The following BEAN1 variants were observed in gnomAD, a reference collection of about 807,000 sequenced individuals.
BEAN1 encodes protein BEAN1.
Under a neutral mutation model 17.7 loss-of-function variants are expected in BEAN1, and 17 were observed. The observed-to-expected ratio is 0.96, with a 90% CI of 0.66 to 1.44. The LOEUF (loss-of-function observed/expected upper bound fraction) is 1.44, where lower values mean the gene tolerates loss of function less well. Ranked by LOEUF, BEAN1 falls within the 40% of genes most tolerant of loss-of-function variation. The pLI is 0.00. For missense variants in BEAN1, 359 were observed against 374.1 expected, an observed-to-expected ratio of 0.96 and a Z score of 0.33; for synonymous variants, 142 against 151.8, an observed-to-expected ratio of 0.94 and a Z score of 0.47.
chr16:66,480,759 T>C lies in BEAN1; in HGVS notation c.614T>C (p.Leu205Pro), dbSNP rs1963956125. The change falls in exon 5 of 5, where the codon CTT becomes CCT. Residue 205 changes from leucine (L) to proline (P), a missense_variant. Physicochemically the swap from Leu to Pro is moderately conservative, Grantham distance 98 (BLOSUM62 -3). Transcript: ENST00000536005. ...CAGAGGACCCCGGCCCAAGGTGGCC[T>C]TCACACGGTCTCCATGGACACCCTT... ...QEQRTPAQGG[L>P]HTVSMDTLPP... The C allele has an allele frequency of 6.4e-7, 1 of 1,551,338 alleles. No homozygotes were observed. The highest frequency in any genetic ancestry group is 2.0e-5 in the Admixed American group (1 of 50,980).
At chr16:66,477,850 C>T (rs2142459477) in intron 4 of BEAN1, 140 bp downstream of exon 4, 1 of 925,412 alleles carries the variant, frequency 1.1e-6, no homozygotes, top group African/African-American at 1.8e-5. Flanking sequence ...GCATGGCCAC[C>T]TCCTCCCCAC....
chr16:66,488,317 A>C (rs1964117025), intron 4 of BEAN1, among the ~76,000 whole-genome samples: 1 of 152,134 alleles, frequency 6.6e-6, no homozygotes, highest in Non-Finnish European at 1.5e-5. Flanking sequence ...TCCCTAGGGA[A>C]CAAAACTGCC....
chr16:66,463,775 G>T (rs1159771823), intron 2 of BEAN1, among the ~76,000 whole-genome samples: 1 of 152,112 alleles, frequency 6.6e-6, no homozygotes, highest in Non-Finnish European at 1.5e-5. Context: ...CATACATTTA[G>T]GTCTTTAATC....
intron 4 of BEAN1, chr16:66,492,880 C>G (rs62057867): frequency 1.6e-6 from 1 of 632,070 alleles, no homozygotes; most frequent in Non-Finnish European, 2.8e-6. Context: ...GGCACCAGCC[C>G]TTGGTCCTGC....
rs935627705 is a variant in BEAN1 at position 66,473,580 on chromosome 16, C to T, written c.289+3715C>T. Among the ~76,000 whole-genome samples the T allele has an allele frequency of 1.3e-5, 2 of 151,822 alleles. No individual in the cohort carries two copies. Among genetic ancestry groups the T allele is most frequent in the Non-Finnish European group, 1.5e-5 (1 of 67,928 alleles). On this transcript the variant is annotated intron_variant, in intron 3 of 4. Transcript: ENST00000536005. The surrounding 1 kb of genome is among the most constrained non-coding windows in gnomAD (Gnocchi z 4.5). Reference sequence around the variant, plus strand: ...GGCGCGGTGCCTCACACCTATAATCCCAGCACTTTGGGAGGCCAAGGTGGG... The same window carrying T: ...GGCGCGGTGCCTCACACCTATAATCTCAGCACTTTGGGAGGCCAAGGTGGG...
chr16:66,439,666 T>C (rs1367277252), intron 2 of BEAN1, among the ~76,000 whole-genome samples: 1 of 151,976 alleles, frequency 6.6e-6, no homozygotes, highest in East Asian at 1.9e-4. Flanking sequence ...TCTCTGAAAT[T>C]CCCCCTTCCC....
At position 66,481,474 on chromosome 16, in the gene BEAN1, C is replaced by T. The variant is rs1963984760; in HGVS notation, c.*549C>T. The T allele has an allele frequency of 2.6e-6, 1 of 383,578 alleles. No homozygotes were observed. The highest frequency in any genetic ancestry group is 1.5e-4 in the South Asian group (1 of 6,850). The allele number at this position is 383,578 out of a possible 1,614,324, so 23.8% of individuals were successfully genotyped here. On this transcript the variant is annotated 3_prime_UTR_variant, in exon 5 of 5. Transcript: ENST00000536005. This position sits in a 1 kb window ranked among gnomAD's most constrained non-coding sequence, Gnocchi z 4.1. ...GTTCCGTTGTGCGCTGTGCCTATCT[C>T]TCGATTCCAGGGCAGATGAGCCACA...
At chr16:66,484,189 G>T, downstream of BEAN1, 1 of 210,552 alleles carries the variant, frequency 4.7e-6, no homozygotes, top group South Asian at 7.2e-5. This position sits in a 1 kb window ranked among gnomAD's most constrained non-coding sequence, Gnocchi z 4.2. Flanking sequence ...TAATCATTTT[G>T]CATGCCCTCT....
chr16:66,441,139 C>T (rs1251759891), intron 2 of BEAN1, among the ~76,000 whole-genome samples: 2 of 152,158 alleles, frequency 1.3e-5, no homozygotes, highest in African/African-American at 2.4e-5. Context: ...GTTCCCAGTT[C>T]GCCCGCACCA....
chr16:66,451,948 T>C (rs921729227), intron 2 of BEAN1, among the ~76,000 whole-genome samples: 6 of 152,198 alleles, frequency 3.9e-5, no homozygotes, highest in Non-Finnish European at 8.8e-5. Context: ...TACTAAACGT[T>C]GGTGAACACA....
chr16:66,480,918 T>C lies in BEAN1; in HGVS notation c.773T>C (p.Ile258Thr). The C allele has an allele frequency of 6.9e-7, 1 of 1,449,264 alleles. No individual in the cohort carries two copies. Among genetic ancestry groups the C allele is most frequent in the Non-Finnish European group, 9.1e-7 (1 of 1,097,382 alleles). 89.8% of individuals were successfully genotyped at this position (1,449,264 alleles called of 1,614,324 possible). A position where few individuals can be genotyped will look rare whatever the true frequency, so the allele number is the denominator to read the frequency against. The change falls in exon 5 of 5, where the codon ATT becomes ACT. Residue 258 changes from isoleucine to threonine, a missense_variant. Transcript: ENST00000536005. ...GCCCCAGCCTCTGGCCCAGAGAGGA[T>C]TGTGTGAGGGACCCAGCCAGCCGGG... is the stretch of plus-strand genomic sequence containing the variant. ...TRAPASGPER[I>T]V
downstream of BEAN1, chr16:66,486,054 T>A (rs1045389149): frequency 2.0e-5 from 3 of 152,152 alleles, no homozygotes; most frequent in African/African-American, 7.2e-5. Context: ...CATTCTCCCA[T>A]CAGAACAAAA....
chr16:66,488,096 A>G (rs996018442), intron 4 of BEAN1, among the ~76,000 whole-genome samples: 2 of 152,120 alleles, frequency 1.3e-5, no homozygotes, highest in African/African-American at 4.8e-5. Flanking sequence ...CCACCCTGGG[A>G]AAGATGAGAG....
At chr16:66,438,227 T>C (rs1350891622) in intron 2 of BEAN1, among the ~76,000 whole-genome samples, 1 of 151,898 alleles carries the variant, frequency 6.6e-6, no homozygotes, top group African/African-American at 2.4e-5. Context: ...CTACTAAAAA[T>C]ACAAACATTA....
chr16:66,465,195 T>C (rs1665521827), intron 2 of BEAN1, among the ~76,000 whole-genome samples: 1 of 152,250 alleles, frequency 6.6e-6, no homozygotes, highest in African/African-American at 2.4e-5. Context: ...ATTACATTAA[T>C]TGATTTTTTG....
At chr16:66,436,995 A>C (rs1370578136) in intron 1 of BEAN1, among the ~76,000 whole-genome samples, 1 of 152,200 alleles carries the variant, frequency 6.6e-6, no homozygotes, top group East Asian at 1.9e-4. Flanking sequence ...AGTCTCAGCC[A>C]GTAGTTAGAA....
intron 2 of BEAN1, among the ~76,000 whole-genome samples, chr16:66,441,950 G>C (rs1219143659): frequency 1.3e-5 from 2 of 152,184 alleles, no homozygotes; most frequent in Admixed American, 1.3e-4. Context: ...CATGGAGATA[G>C]TGCCAGCAGC....
chr16:66,452,602 C>T (rs1962713614), intron 2 of BEAN1, among the ~76,000 whole-genome samples: 2 of 152,134 alleles, frequency 1.3e-5, no homozygotes, highest in African/African-American at 2.4e-5. Context: ...GGGTGTTTGG[C>T]GAAGGGATCT....
chr16:66,474,659 G>T (rs2142448934), intron 3 of BEAN1, among the ~76,000 whole-genome samples: 1 of 110,536 alleles, frequency 9.0e-6, no homozygotes. Flanking sequence ...GGGAAATAGA[G>T]AAGAGAGAAA....
Sources: gnomAD v4.1 joint callset for allele counts (sites outside exome capture counted in the v4.1 genomes callset) on GRCh38, gnomAD v4.1.1 for gene constraint, Gnocchi (gnomAD v3.1) non-coding constraint, MANE v1.5 for transcripts, NCBI Gene and HGNC (gene_info 2026-07-23, HGNC 2026-07-21) for gene names.